Variants in TMEM132D observed in about 807,000 individuals in gnomAD.
The protein encoded by TMEM132D is mature OL transmembrane protein.
In TMEM132D, 21 loss-of-function variants were observed where a neutral mutation model predicts 62.3. The ratio of observed to expected loss-of-function variants is 0.34; its 90% CI spans 0.24 to 0.49. The LOEUF (loss-of-function observed/expected upper bound fraction) is 0.49, where lower values mean the gene tolerates loss of function less well. Ranked by LOEUF, TMEM132D falls within the 20% of genes least tolerant of loss-of-function variation. The pLI is 0.99. For synonymous variants in TMEM132D, 621 were observed against 575.6 expected (o/e 1.08, Z -1.13); for missense variants, 1,346 against 1,402.8 (o/e 0.96, Z 0.65).
rs1877882148 is a variant in TMEM132D at position 129,582,139 on chromosome 12, A to G, written c.969-50934T>C. ...TCTGCTTTTTACATTGTGTCAGAAC[A>G]ATGACTTACACATCACAGTCCACAT... On this transcript the variant is annotated intron_variant, in intron 2 of 8. Coordinates refer to ENST00000422113, the MANE Select transcript of TMEM132D (RefSeq NM_133448.3). 1.3e-5 allele frequency among the ~76,000 whole-genome samples: 2 copies of G among 152,338 alleles called. 1 individual carries two copies. Among genetic ancestry groups the G allele is most frequent in the South Asian group, 4.1e-4 (2 of 4,826 alleles).
chr12:129,199,298 C>T (rs1054534430), intron 5 of TMEM132D, among the ~76,000 whole-genome samples: 19 of 151,962 alleles, frequency 1.3e-4, no homozygotes, highest in African/African-American at 1.7e-4. Context: ...GATAGGGTTT[C>T]GCCATGTTGC....
At chr12:129,718,474 C>T (rs1388464701) in intron 1 of TMEM132D, among the ~76,000 whole-genome samples, 1 of 152,222 alleles carries the variant, frequency 6.6e-6, no homozygotes, top group Admixed American at 6.5e-5. Context: ...CCTTTACTGG[C>T]CAGTTGTCCT....
intron 3 of TMEM132D, among the ~76,000 whole-genome samples, chr12:129,363,581 A>G (rs1566045847): frequency 6.6e-6 from 1 of 152,152 alleles, no homozygotes; most frequent in Admixed American, 6.5e-5. Context: ...AATAATTCCA[A>G]TATGTATCTA....
intron 4 of TMEM132D, among the ~76,000 whole-genome samples, chr12:129,333,350 A>T (rs1265864280): frequency 6.6e-6 from 1 of 152,230 alleles, no homozygotes; most frequent in Non-Finnish European, 1.5e-5. Context: ...GTTGACCTGA[A>T]GGAGTTCATT....
intron 1 of TMEM132D, among the ~76,000 whole-genome samples, chr12:129,896,140 T>G (rs1331660918): frequency 5.3e-5 from 8 of 150,518 alleles, no homozygotes; most frequent in Non-Finnish European, 1.5e-5. Flanking sequence ...TGGCTCATTT[T>G]TTTTGTTTTG....
intron 2 of TMEM132D, among the ~76,000 whole-genome samples, chr12:129,609,680 G>A (rs780578474): frequency 1.3e-5 from 2 of 152,108 alleles, no homozygotes; most frequent in Non-Finnish European, 2.9e-5. Context: ...CTGGACAAGG[G>A]CCAGTGTCTC....
chr12:129,146,457 G>A (rs992383245), intron 5 of TMEM132D, among the ~76,000 whole-genome samples: 1 of 152,086 alleles, frequency 6.6e-6, no homozygotes, highest in Non-Finnish European at 1.5e-5. Flanking sequence ...GGCCACCAAA[G>A]TAGTCTTTGA....
chr12:129,633,163 A>T (rs1054759525), intron 2 of TMEM132D, among the ~76,000 whole-genome samples: 1 of 152,222 alleles, frequency 6.6e-6, no homozygotes, highest in Admixed American at 6.5e-5. Flanking sequence ...ATGTACAAAG[A>T]GACAAACATC....
chr12:129,251,681 C>G (rs74322448), intron 4 of TMEM132D, among the ~76,000 whole-genome samples: 1 of 152,162 alleles, frequency 6.6e-6, no homozygotes, highest in Non-Finnish European at 1.5e-5. Context: ...CCTCTTCTTT[C>G]GGGCCACAAA....
At chr12:129,705,001 TG>T (rs1881470224) in intron 1 of TMEM132D, among the ~76,000 whole-genome samples, 1 of 152,190 alleles carries the variant, frequency 6.6e-6, no homozygotes, top group African/African-American at 2.4e-5. Flanking sequence ...GAATTTAAAA[TG>T]GTTTCAGATG....
chr12:129,840,210 A>G (rs1352128564), intron 1 of TMEM132D: 7 of 152,242 alleles, frequency 4.6e-5, no homozygotes, highest in African/African-American at 1.7e-4. Flanking sequence ...CGTCCTCTGC[A>G]GAACACACCT....
chr12:129,151,591 GA>G (rs1877073725), intron 5 of TMEM132D, among the ~76,000 whole-genome samples: 1 of 152,148 alleles, frequency 6.6e-6, no homozygotes, highest in Admixed American at 6.5e-5. Flanking sequence ...TAATATTATG[GA>G]ATATTTCTCT....
At chr12:129,715,746 C>A (rs1868547981) in intron 1 of TMEM132D, among the ~76,000 whole-genome samples, 2 of 152,202 alleles carry the variant, frequency 1.3e-5, no homozygotes, top group East Asian at 3.8e-4. Flanking sequence ...TTATTTACAT[C>A]TATATGAGAT....
At chr12:129,320,465 G>C (rs1868662637) in intron 4 of TMEM132D, among the ~76,000 whole-genome samples, 1 of 152,152 alleles carries the variant, frequency 6.6e-6, no homozygotes, top group African/African-American at 2.4e-5. Flanking sequence ...TTTTAAGCAA[G>C]AAAAACTATA....
At chr12:129,604,287 T>C (rs544235240) in intron 2 of TMEM132D, among the ~76,000 whole-genome samples, 1 of 152,266 alleles carries the variant, frequency 6.6e-6, no homozygotes, top group Non-Finnish European at 1.5e-5. Flanking sequence ...ATACCTGTGT[T>C]ACAAACCTGC....
At chr12:129,481,976 T>C (rs1013110309) in intron 3 of TMEM132D, among the ~76,000 whole-genome samples, 2 of 152,194 alleles carry the variant, frequency 1.3e-5, no homozygotes, top group Non-Finnish European at 2.9e-5. Context: ...GAGGCTTGAT[T>C]TTCTCAGACC....
At chr12:129,830,872 T>C (rs773338468) in intron 1 of TMEM132D, among the ~76,000 whole-genome samples, 7 of 152,230 alleles carry the variant, frequency 4.6e-5, no homozygotes, top group Non-Finnish European at 5.9e-5. Flanking sequence ...GTCAACGTAG[T>C]TGGGTGTTGA....
chr12:129,103,396 C>G (rs117770383), intron 5 of TMEM132D, among the ~76,000 whole-genome samples: 2 of 152,338 alleles, frequency 1.3e-5, no homozygotes, highest in South Asian at 4.1e-4. Flanking sequence ...CATGCCCCCA[C>G]CTCGGAGGCC....
intron 1 of TMEM132D, among the ~76,000 whole-genome samples, chr12:129,753,226 A>G (rs980498714): frequency 5.9e-5 from 9 of 152,218 alleles, no homozygotes; most frequent in African/African-American, 2.2e-4. Flanking sequence ...CTCAGCATTT[A>G]TATCAGAACC....
Sources: allele counts gnomAD v4.1 joint callset (sites outside exome capture counted in the v4.1 genomes callset), GRCh38; gene constraint gnomAD v4.1.1; transcripts MANE v1.5; gene names NCBI Gene and HGNC (gene_info 2026-07-23, HGNC 2026-07-21).